The following SGCD variants were observed in gnomAD, a reference collection of about 807,000 sequenced individuals.
The protein encoded by SGCD is delta-sarcoglycan.
A neutral mutation model predicts 36.6 loss-of-function variants in SGCD; 18 were observed. The ratio of observed to expected loss-of-function variants is 0.49; its 90% CI spans 0.34 to 0.73. SGCD has a LOEUF of 0.73. Among genes scored for constraint, SGCD ranks in the 30% least tolerant of loss-of-function variants. The probability of loss-of-function intolerance (pLI) is 0.01; values close to 1 mark genes in which losing one functional copy is unlikely to be tolerated. For synonymous variants in SGCD, 133 were observed against 130.6 expected (o/e 1.02, Z -0.12); for missense variants, 387 against 346.7 (o/e 1.12, Z -0.92).
At chr5:156,725,619 C>T (rs1425089892) in intron 7 of SGCD, among the ~76,000 whole-genome samples, 2 of 152,104 alleles carry the variant, frequency 1.3e-5, no homozygotes, top group African/African-American at 4.8e-5. Context: ...AAATAGCCAC[C>T]CCAACCCTAG....
chr5:156,636,752 G>A (rs1458609114), intron 6 of SGCD, among the ~76,000 whole-genome samples: 2 of 152,276 alleles, frequency 1.3e-5, no homozygotes, highest in South Asian at 2.1e-4. Flanking sequence ...AGAGCAAAAT[G>A]TCCAGCTAAA....
At chr5:156,346,375 T>C (rs925628406) in intron 3 of SGCD, among the ~76,000 whole-genome samples, 5 of 152,332 alleles carry the variant, frequency 3.3e-5, no homozygotes, top group Admixed American at 2.6e-4. Context: ...CATAGCTCAC[T>C]GCAGCCATGG....
intron 4 of SGCD, among the ~76,000 whole-genome samples, chr5:156,583,716 AC>A (rs1760376620): frequency 6.6e-6 from 1 of 152,244 alleles, no homozygotes; most frequent in Non-Finnish European, 1.5e-5. Flanking sequence ...CCACAAAGCC[AC>A]AGAAACAAAG....
At chr5:156,424,521 G>C (rs1379724628) in intron 3 of SGCD, among the ~76,000 whole-genome samples, 2 of 152,060 alleles carry the variant, frequency 1.3e-5, no homozygotes, top group Non-Finnish European at 2.9e-5. Flanking sequence ...TTTTGGTCTT[G>C]CCACATCAAT....
intron 6 of SGCD, among the ~76,000 whole-genome samples, chr5:156,639,173 T>C (rs951175769): frequency 6.6e-6 from 1 of 152,064 alleles, no homozygotes; most frequent in Non-Finnish European, 1.5e-5. Flanking sequence ...TATATGTATG[T>C]GTGTGTATAT....
intron 3 of SGCD, among the ~76,000 whole-genome samples, chr5:156,262,948 C>T (rs1364198122): frequency 6.6e-6 from 1 of 151,308 alleles, no homozygotes; most frequent in Non-Finnish European, 1.5e-5. Context: ...TATACACACA[C>T]ATATATACAC....
intron 1 of SGCD, among the ~76,000 whole-genome samples, chr5:156,097,233 GT>G (rs1470087646): frequency 6.6e-6 from 1 of 151,902 alleles, no homozygotes; most frequent in Non-Finnish European, 1.5e-5. Flanking sequence ...TAGATCTGTA[GT>G]TTGTATCTTT....
At chr5:156,754,328 A>G (rs114861112) in intron 7 of SGCD, among the ~76,000 whole-genome samples, 1,690 of 152,288 alleles carry the variant, frequency 0.011, 30 homozygotes, top group African/African-American at 0.039. Context: ...ATATTGAATC[A>G]TTCACTTTGA....
chr5:156,352,937 A>C (rs1386086858), intron 3 of SGCD, among the ~76,000 whole-genome samples: 4 of 152,218 alleles, frequency 2.6e-5, no homozygotes, highest in Non-Finnish European at 5.9e-5. Flanking sequence ...TTTTTCATGA[A>C]GACAAGTTGA....
At chr5:156,560,971 A>G (rs2113241402) in intron 4 of SGCD, among the ~76,000 whole-genome samples, 1 of 152,318 alleles carries the variant, frequency 6.6e-6, no homozygotes, top group South Asian at 2.1e-4. Context: ...TATATAATAT[A>G]CTCAATAATT....
Position 156,127,009 on chromosome 5 carries a change from C to T in SGCD, c.-44+2990C>T, listed in dbSNP as rs991078619. Among the ~76,000 whole-genome samples the T allele has an allele frequency of 1.2e-4, 18 of 152,226 alleles. 1 individual carries two copies. The highest frequency in any genetic ancestry group is 3.4e-3 in the Middle Eastern group (1 of 294). ...CTTTGCTAAAATTTAAAAACCACTG[C>T]TTAACCTGATCTCTGAAAAATAAGG... On this transcript the variant is annotated intron_variant, in intron 3 of 9. Transcript: ENST00000517913.
At chr5:156,757,542 A>T (rs772577761) in intron 7 of SGCD, 39 bp from the exon 8 acceptor site, 10 of 1,291,892 alleles carry the variant, frequency 7.7e-6, no homozygotes, top group Non-Finnish European at 1.1e-5. Context: ...TATTAAAAAG[A>T]AAAAGGGATC....
At chr5:156,004,730 CTATT>C (rs1323674521) in intron 1 of SGCD, among the ~76,000 whole-genome samples, 2 of 152,222 alleles carry the variant, frequency 1.3e-5, no homozygotes, top group Non-Finnish European at 2.9e-5. Context: ...GGATTATAAA[CTATT>C]TGTATGTAGT....
At chr5:156,538,204 G>C (rs1428748316) in intron 4 of SGCD, among the ~76,000 whole-genome samples, 1 of 152,092 alleles carries the variant, frequency 6.6e-6, no homozygotes, top group African/African-American at 2.4e-5. Flanking sequence ...ATTCACTTTA[G>C]ATTTTTAAGG....
chr5:156,219,051 A>G (rs1043565347), intron 3 of SGCD, among the ~76,000 whole-genome samples: 1 of 152,162 alleles, frequency 6.6e-6, no homozygotes, highest in Non-Finnish European at 1.5e-5. Context: ...GGAAGAAATT[A>G]ATTTAATCAT....
chr5:156,739,873 G>A (rs530932048), intron 7 of SGCD: 1 of 152,200 alleles, frequency 6.6e-6, no homozygotes, highest in East Asian at 1.9e-4. Flanking sequence ...AAATGGAACT[G>A]GTACTAGATA....
At chr5:156,099,604 G>A (rs759425378) in intron 1 of SGCD, among the ~76,000 whole-genome samples, 2 of 151,852 alleles carry the variant, frequency 1.3e-5, no homozygotes, top group African/African-American at 2.4e-5. Context: ...TAGTAGAGAC[G>A]GGGTTTCACC....
At chr5:156,625,173 A>G (rs1313509527) in intron 6 of SGCD, among the ~76,000 whole-genome samples, 1 of 152,222 alleles carries the variant, frequency 6.6e-6, no homozygotes, top group Admixed American at 6.5e-5. Context: ...GAAAGTTCTT[A>G]GAGACTGGCT....
intron 7 of SGCD, among the ~76,000 whole-genome samples, chr5:156,654,126 T>C (rs1763581296): frequency 6.6e-6 from 1 of 152,114 alleles, no homozygotes; most frequent in East Asian, 1.9e-4. Flanking sequence ...TTTACTTTAA[T>C]ATGTATAGCA....
Sources: allele counts gnomAD v4.1 joint callset (sites outside exome capture counted in the v4.1 genomes callset), GRCh38; gene constraint gnomAD v4.1.1; transcripts MANE v1.5; gene names NCBI Gene and HGNC (gene_info 2026-07-23, HGNC 2026-07-21).